Variants in CDH18 observed in about 807,000 individuals in gnomAD.
CDH18 encodes the protein cadherin-18.
Under a neutral mutation model 67.9 loss-of-function variants are expected in CDH18, and 31 were observed. The ratio of observed to expected loss-of-function variants is 0.46; its 90% CI spans 0.34 to 0.62. CDH18 has a LOEUF of 0.62. Ranked by LOEUF, CDH18 falls within the 20% of genes least tolerant of loss-of-function variation. The pLI is 0.01. For synonymous variants in CDH18, 362 were observed against 347.2 expected (o/e 1.04, Z -0.48); for missense variants, 890 against 975.5 (o/e 0.91, Z 1.17).
At position 20,522,998 on chromosome 5, in the gene CDH18, T is replaced by C. The variant is rs529361606; in HGVS notation, c.-580+52464A>G. Among the ~76,000 whole-genome samples, 5 of 152,192 alleles carry C rather than the reference T, an allele frequency of 3.3e-5. No homozygotes were observed. The East Asian group carries it at 9.6e-4, about 29-fold the overall frequency. On this transcript the variant is annotated intron_variant, in intron 1 of 14. Transcript: ENST00000507958. The stretch of plus-strand genomic sequence containing the variant: ...TTTGAAGTAGCTACTTGCCTTGTTT[T>C]TATGCTAGACATGAAACCACAAGAT...
chr5:19,712,392 A>T (rs1764810866), intron 5 of CDH18, among the ~76,000 whole-genome samples: 1 of 152,010 alleles, frequency 6.6e-6, no homozygotes, highest in African/African-American at 2.4e-5. Context: ...TATGGTATTG[A>T]AGCCCTTATA....
At chr5:19,550,634 G>A (rs1195386953) in intron 8 of CDH18, among the ~76,000 whole-genome samples, 1 of 152,170 alleles carries the variant, frequency 6.6e-6, no homozygotes, top group African/African-American at 2.4e-5. Flanking sequence ...TGGAGTATAT[G>A]TGCCACATTT....
At chr5:19,975,256 TTA>T (rs1798391618) in intron 2 of CDH18, among the ~76,000 whole-genome samples, 1 of 152,104 alleles carries the variant, frequency 6.6e-6, no homozygotes, top group African/African-American at 2.4e-5. Context: ...TTAATAAAAA[TTA>T]TGTTAAATTT....
At chr5:19,926,190 A>G (rs989180138) in intron 2 of CDH18, among the ~76,000 whole-genome samples, 1 of 152,186 alleles carries the variant, frequency 6.6e-6, no homozygotes, top group Non-Finnish European at 1.5e-5. Context: ...TATGTTGTTA[A>G]AGGGTCAACT....
At chr5:19,709,200 T>C (rs900696768) in intron 5 of CDH18, among the ~76,000 whole-genome samples, 2 of 152,050 alleles carry the variant, frequency 1.3e-5, no homozygotes, top group Admixed American at 1.3e-4. Flanking sequence ...CGGAAATATG[T>C]GGAGGAAAGG....
chr5:20,030,698 G>A (rs1739320461), intron 2 of CDH18, among the ~76,000 whole-genome samples: 1 of 152,058 alleles, frequency 6.6e-6, no homozygotes, highest in African/African-American at 2.4e-5. Context: ...GCCAAAAAAG[G>A]GCTGAAGATA....
At chr5:19,648,416 A>G (rs995871510) in intron 5 of CDH18, among the ~76,000 whole-genome samples, 2 of 151,934 alleles carry the variant, frequency 1.3e-5, no homozygotes, top group African/African-American at 4.8e-5. Flanking sequence ...TTTGGTCTCA[A>G]TAAATAAATA....
intron 2 of CDH18, among the ~76,000 whole-genome samples, chr5:19,949,708 T>C (rs1411485932): frequency 6.6e-6 from 1 of 152,100 alleles, no homozygotes. Context: ...ATAGATAAAA[T>C]ACGATGGCAA....
At chr5:19,843,893 T>G (rs1375526070) in intron 2 of CDH18, among the ~76,000 whole-genome samples, 1 of 152,242 alleles carries the variant, frequency 6.6e-6, no homozygotes, top group East Asian at 1.9e-4. Flanking sequence ...GCATGGGGCC[T>G]GTAGCCCCTT....
chr5:19,807,231 C>T (rs1188076720), intron 3 of CDH18, among the ~76,000 whole-genome samples: 1 of 151,956 alleles, frequency 6.6e-6, no homozygotes, highest in African/African-American at 2.4e-5. Flanking sequence ...GGGCTTAATA[C>T]CTAGGTGATG....
At chr5:19,668,644 G>A (rs141016274) in intron 5 of CDH18, among the ~76,000 whole-genome samples, 139 of 152,216 alleles carry the variant, frequency 9.1e-4, no homozygotes, top group African/African-American at 3.3e-3. Context: ...TTTAAAAGAT[G>A]TGTGAATGAG....
chr5:20,112,627 TTG>T (rs1747573368), intron 2 of CDH18, among the ~76,000 whole-genome samples: 1 of 152,070 alleles, frequency 6.6e-6, no homozygotes, highest in African/African-American at 2.4e-5. Context: ...GGCAGGAGAA[TTG>T]CTTGAACCCT....
intron 11 of CDH18, among the ~76,000 whole-genome samples, chr5:19,495,722 AAAAAAAAAAAAAAAAAAAAAG>A (rs1274381192): frequency 6.9e-6 from 1 of 145,918 alleles, no homozygotes; most frequent in Non-Finnish European, 1.5e-5. Context: ...TGTCTCAAAA[AAAAAAAAAAAAAAAAAAAAAG>A]AAAGAAAGAA....
chr5:19,816,986 A>T (rs1293291682), intron 3 of CDH18, among the ~76,000 whole-genome samples: 1 of 151,854 alleles, frequency 6.6e-6, no homozygotes, highest in African/African-American at 2.4e-5. Context: ...CTGACAAAGA[A>T]CTACTGCACC....
intron 2 of CDH18, among the ~76,000 whole-genome samples, chr5:20,056,051 C>CACCATCT: frequency 8.0e-6 from 1 of 124,324 alleles, no homozygotes; most frequent in African/African-American, 3.1e-5. Context: ...GTTACCCAGG[C>CACCATCT]TGGAGTGCAG....
chr5:20,220,640 A>C (rs998952016), intron 2 of CDH18, among the ~76,000 whole-genome samples: 4 of 152,046 alleles, frequency 2.6e-5, no homozygotes, highest in African/African-American at 9.7e-5. Flanking sequence ...ACATCAAGTT[A>C]GGAATCTTCT....
chr5:19,635,187 A>G (rs1427979979), intron 5 of CDH18, among the ~76,000 whole-genome samples: 4 of 152,124 alleles, frequency 2.6e-5, no homozygotes, highest in Non-Finnish European at 4.4e-5. Flanking sequence ...TATTGATGCT[A>G]GTTTTGCTTT....
chr5:20,080,588 C>T (rs540365966), intron 2 of CDH18, among the ~76,000 whole-genome samples: 65 of 152,026 alleles, frequency 4.3e-4, no homozygotes, highest in Non-Finnish European at 7.8e-4. Flanking sequence ...AGCAGAATTG[C>T]CTGAAATGAT....
At chr5:20,522,566 T>C (rs1013286611) in intron 1 of CDH18, among the ~76,000 whole-genome samples, 3 of 152,306 alleles carry the variant, frequency 2.0e-5, no homozygotes, top group African/African-American at 7.2e-5. Flanking sequence ...GGGAATCATA[T>C]GGAATTTCTT....
Sources: allele counts gnomAD v4.1 joint callset (sites outside exome capture counted in the v4.1 genomes callset), GRCh38; gene constraint gnomAD v4.1.1; transcripts MANE v1.5; gene names NCBI Gene and HGNC (gene_info 2026-07-23, HGNC 2026-07-21).